ELOVL3: variants seen among roughly 807,000 people sequenced by gnomAD.
The protein encoded by ELOVL3 is very long chain fatty acid elongase 3.
Under a neutral mutation model 14.9 loss-of-function variants are expected in ELOVL3, and 11 were observed. The ratio of observed to expected loss-of-function variants is 0.74; its 90% CI spans 0.46 to 1.22. The LOEUF (loss-of-function observed/expected upper bound fraction) is 1.22, where lower values mean the gene tolerates loss of function less well. Ranked by LOEUF, ELOVL3 falls within the 50% of genes most tolerant of loss-of-function variation. The probability of loss-of-function intolerance (pLI) is 0.00; values close to 1 mark genes in which losing one functional copy is unlikely to be tolerated. For synonymous variants in ELOVL3, 117 were observed against 124.7 expected (o/e 0.94, Z 0.41); for missense variants, 277 against 338.9 (o/e 0.82, Z 1.43).
At position 102,229,323 on chromosome 10, in the gene ELOVL3, G is replaced by T; in HGVS notation, c.*71G>T. The T allele has an allele frequency of 6.9e-7, 1 of 1,446,548 alleles. No individual in the cohort carries two copies. The allele number at this position is 1,446,548 out of a possible 1,614,324, so 89.6% of individuals were successfully genotyped here. ...GCACCAAGAGGCTGGGCTTAGTTTT[G>T]GGAGAATGATTAGGTTGCCTTACCT... On this transcript the variant is annotated 3_prime_UTR_variant, in exon 4 of 4. Transcript: ENST00000370005.
rs574645606 is a variant in ELOVL3, at chr10:102,229,568, T to C, written c.*316T>C. On this transcript the variant is annotated 3_prime_UTR_variant, in exon 4 of 4. Transcript: ENST00000370005. ...CTTTCTTCTTCTTGCTCTGTTTTTTTAAATTAAAGATTTCAACAAAATTTT... is the reference window on the plus strand; with the variant it reads ...CTTTCTTCTTCTTGCTCTGTTTTTTCAAATTAAAGATTTCAACAAAATTTT... The C allele has an allele frequency of 2.1e-5, 5 of 232,652 alleles. No homozygotes were observed. In the South Asian group the frequency reaches 4.0e-4, roughly 19 times the overall value. The allele number at this position is 232,652 out of a possible 1,614,324, so 14.4% of individuals were successfully genotyped here. A position where few individuals can be genotyped will look rare whatever the true frequency, so the allele number is the denominator to read the frequency against.
At chr10:102,227,853 C>A in intron 2 of ELOVL3, 96 bp downstream of exon 2, 1 of 1,447,258 alleles carries the variant, frequency 6.9e-7, no homozygotes, top group South Asian at 1.3e-5. Flanking sequence ...CCATCCTGTC[C>A]CCAAGTTGCC....
intron 1 of ELOVL3, 123 bp downstream of exon 1, chr10:102,226,772 T>A: frequency 3.0e-6 from 2 of 665,520 alleles, no homozygotes; most frequent in Non-Finnish European, 5.2e-6. Context: ...TTGTACTGGC[T>A]TCACACTACC....
At chr10:102,226,764 G>T (rs1030052069) in intron 1 of ELOVL3, 115 bp downstream of exon 1, 4 of 707,216 alleles carry the variant, frequency 5.7e-6, no homozygotes, top group Non-Finnish European at 9.8e-6. Context: ...GGACTCCCTT[G>T]TACTGGCTTC....
At position 102,226,542 on chromosome 10, in the gene ELOVL3, A is replaced by G. The variant is rs1215392404; in HGVS notation, c.-7A>G. On this transcript the variant is annotated 5_prime_UTR_variant, in exon 1 of 4. Coordinates refer to ENST00000370005, the MANE Select transcript of ELOVL3 (RefSeq NM_152310.3). ...CAAGCTTTGGACCTTGACTTCTGCAAAACTAGATGGTCACAGCCATGAATG... is the reference window on the plus strand; with the variant it reads ...CAAGCTTTGGACCTTGACTTCTGCAGAACTAGATGGTCACAGCCATGAATG... 3.1e-6 allele frequency: 5 copies of G among 1,611,888 alleles called. No homozygotes were observed. Among genetic ancestry groups the G allele is most frequent in the South Asian group, 1.1e-5 (1 of 90,952 alleles).
At position 102,226,514 on chromosome 10, in the gene ELOVL3, C is replaced by T; in HGVS notation, c.-35C>T. ...GGAGCCCCAGCCTTTCACCCAGCGCCTCCAAGCTTTGGACCTTGACTTCTG... is the reference window on the plus strand; with the variant it reads ...GGAGCCCCAGCCTTTCACCCAGCGCTTCCAAGCTTTGGACCTTGACTTCTG... On this transcript the variant is annotated 5_prime_UTR_variant, in exon 1 of 4. Transcript: ENST00000370005. The T allele has an allele frequency of 6.5e-7, 1 of 1,528,112 alleles. No individual in the cohort carries two copies. Among genetic ancestry groups the T allele is most frequent in the Non-Finnish European group, 9.1e-7 (1 of 1,102,632 alleles). The allele number at this position is 1,528,112 out of a possible 1,614,324, so 94.7% of individuals were successfully genotyped here.
intron 1 of ELOVL3, among the ~76,000 whole-genome samples, chr10:102,227,278 C>T (rs1188866808): frequency 6.6e-6 from 1 of 152,156 alleles, no homozygotes; most frequent in Non-Finnish European, 1.5e-5. Context: ...GAAGCTATTG[C>T]CACACTTCTT....
rs959822041 is a variant in ELOVL3 at position 102,227,709 on chromosome 10, A to G, written c.185A>G (p.Asn62Ser). ...QNYMKERKGF[N>S]LQGPLILWSF... is the part of the protein sequence containing the mutation. ...TACATGAAGGAACGCAAGGGCTTCAACCTGCAAGGGCCTCTCATCCTCTGG... is the reference window on the plus strand; with the variant it reads ...TACATGAAGGAACGCAAGGGCTTCAGCCTGCAAGGGCCTCTCATCCTCTGG... Residue 62 changes from asparagine (N) to serine (S), a missense_variant, in exon 2 of 4, where the codon AAC becomes AGC. Coordinates refer to ENST00000370005, the MANE Select transcript of ELOVL3 (RefSeq NM_152310.3). The G allele has an allele frequency of 3.7e-6, 6 of 1,613,632 alleles. No homozygotes were observed. In the African/African-American group the frequency reaches 6.7e-5, roughly 18 times the overall value.
At position 102,226,348 on chromosome 10, in the gene ELOVL3, T is replaced by G; in HGVS notation, c.-201T>G. On this transcript the variant is annotated 5_prime_UTR_variant, in exon 1 of 4. Transcript: ENST00000370005. ...GGGCAGGCAGCTTTGCAAGTCCGCG[T>G]TATATATCGCAGTGGCTGCGCCCGG... is the stretch of plus-strand genomic sequence containing the variant. 1.8e-6 allele frequency: 1 copy of G among 542,438 alleles called. No individual in the cohort carries two copies. The highest frequency in any genetic ancestry group is 3.3e-6 in the Non-Finnish European group (1 of 304,282). The allele number at this position is 542,438 out of a possible 1,614,324, so 33.6% of individuals were successfully genotyped here.
chr10:102,228,282 G>C, intron 2 of ELOVL3, 135 bp from the exon 3 acceptor site: 2 of 845,866 alleles, frequency 2.4e-6, no homozygotes, highest in Admixed American at 5.4e-5. Flanking sequence ...GATCTCAGGA[G>C]CTTTGACCCA....
chr10:102,226,675 C>A, intron 1 of ELOVL3, 26 bp downstream of exon 1: 1 of 1,575,766 alleles, frequency 6.3e-7, no homozygotes, highest in Non-Finnish European at 8.7e-7. Flanking sequence ...AGGGAAAGGC[C>A]ATGCCAGGGC....
chr10:102,226,268 T>TA (rs1291518334), upstream of ELOVL3: 5 of 406,184 alleles, frequency 1.2e-5, no homozygotes, highest in African/African-American at 1.0e-4. Context: ...AGCAGAGGCG[T>TA]ATCTTGGTCG....
Position 102,228,351 on chromosome 10 carries a change from G to A in ELOVL3, c.234-66G>A, listed in dbSNP as rs906041119. On this transcript the variant is annotated intron_variant, in intron 2 of 3. Coordinates refer to ENST00000370005, the MANE Select transcript of ELOVL3 (RefSeq NM_152310.3). ...TGGAACACAGTAACCTGGCCAAGCC[G>A]GGGGAAGGGTGGATTATTGGTGCCT... 83 of 1,558,954 alleles carry A rather than the reference G, an allele frequency of 5.3e-5. No homozygotes were observed. In the East Asian group the frequency reaches 5.6e-4, roughly 11 times the overall value.
At chr10:102,227,814 C>T in intron 2 of ELOVL3, 57 bp downstream of exon 2, 3 of 1,589,176 alleles carry the variant, frequency 1.9e-6, no homozygotes, top group Non-Finnish European at 2.6e-6. Context: ...CCATTCTATC[C>T]CTTGAAGCTT....
At chr10:102,228,235 T>C (rs1311724804) in intron 2 of ELOVL3, among the ~76,000 whole-genome samples, 182 bp from the exon 3 acceptor site, 1 of 152,148 alleles carries the variant, frequency 6.6e-6, no homozygotes, top group Admixed American at 6.5e-5. Flanking sequence ...CCTCGTCTCC[T>C]CTAGACTACT....
intron 2 of ELOVL3, 28 bp from the exon 3 acceptor site, chr10:102,228,389 T>TA: frequency 2.5e-6 from 4 of 1,609,968 alleles, no homozygotes; most frequent in Non-Finnish European, 3.4e-6. Context: ...GGATGACACT[T>TA]ACACCATCTT....
Position 102,228,932 on chromosome 10 carries a change from C to T in ELOVL3, c.493C>T (p.Pro165Ser). ...YTSFGYKNKV[P>S]AGGWFVTMNF... Reference sequence around the variant, plus strand: ...AAGCTTTGGATACAAGAACAAAGTGCCTGCAGGAGGCTGGTTCGTCACCAT... The same window carrying T: ...AAGCTTTGGATACAAGAACAAAGTGTCTGCAGGAGGCTGGTTCGTCACCAT... The change falls in exon 4 of 4, where the codon CCT becomes TCT. Residue 165 changes from proline (P) to serine (S), a missense_variant. Physicochemically the swap from Pro to Ser is moderately conservative, Grantham distance 74. Coordinates refer to ENST00000370005, the MANE Select transcript of ELOVL3 (RefSeq NM_152310.3). The T allele has an allele frequency of 1.2e-6, 2 of 1,614,188 alleles. No homozygotes were observed. The highest frequency in any genetic ancestry group is 1.7e-6 in the Non-Finnish European group (2 of 1,180,038).
rs1190562434 is a variant in ELOVL3 at position 102,229,047 on chromosome 10, C to T, written c.608C>T (p.Thr203Ile). 1.2e-6 allele frequency: 2 copies of T among 1,614,158 alleles called. No homozygotes were observed. Among genetic ancestry groups the T allele is most frequent in the Non-Finnish European group, 1.7e-6 (2 of 1,180,004 alleles). The change falls in exon 4 of 4, where the codon ACC (threonine) becomes ATC (isoleucine). Residue 203 changes from threonine to isoleucine, a missense_variant. Transcript: ENST00000370005. ...KPPKMLPMLI[T>I]SLQILQMFVG... Reference sequence around the variant, plus strand: ...CCCAAGATGCTGCCCATGCTCATCACCAGCCTGCAGATCTTGCAGATGTTT... The same window carrying T: ...CCCAAGATGCTGCCCATGCTCATCATCAGCCTGCAGATCTTGCAGATGTTT...
At chr10:102,225,188 C>T (rs772668156), upstream of ELOVL3, among the ~76,000 whole-genome samples, 26 of 152,244 alleles carry the variant, frequency 1.7e-4, no homozygotes, top group South Asian at 4.1e-4. Flanking sequence ...AACCAGGTAA[C>T]GTGACCAGGT....
Sources: allele counts gnomAD v4.1 joint callset (sites outside exome capture counted in the v4.1 genomes callset), GRCh38; gene constraint gnomAD v4.1.1; transcripts MANE v1.5; gene names NCBI Gene and HGNC (gene_info 2026-07-23, HGNC 2026-07-21).